IGSF21: variants seen among roughly 807,000 people sequenced by gnomAD.
IGSF21 encodes the protein immunoglobulin superfamily member 21.
IGSF21 carries 28 observed loss-of-function variants against 46.8 expected under a neutral mutation model. The ratio of observed to expected loss-of-function variants is 0.60; its 90% CI spans 0.44 to 0.82. The LOEUF is 0.82. IGSF21 is among the 40% of genes least tolerant of loss of function. The pLI, the probability that IGSF21 is intolerant of heterozygous loss-of-function variation, is 0.00. For missense variants in IGSF21, 624 were observed against 665.5 expected, an observed-to-expected ratio of 0.94 and a Z score of 0.69; for synonymous variants, 284 against 273.6, an observed-to-expected ratio of 1.04 and a Z score of -0.38.
At chr1:18,165,702 C>T (rs939544975) in intron 1 of IGSF21, among the ~76,000 whole-genome samples, 1 of 152,128 alleles carries the variant, frequency 6.6e-6, no homozygotes, top group African/African-American at 2.4e-5. Flanking sequence ...ATCTGCTAGC[C>T]GTAATAAAGA....
chr1:18,141,141 G>T (rs2086412264), intron 1 of IGSF21, among the ~76,000 whole-genome samples: 1 of 152,212 alleles, frequency 6.6e-6, no homozygotes, highest in Non-Finnish European at 1.5e-5. Flanking sequence ...GGAACTGAAG[G>T]CTGGGCATCC....
chr1:18,329,498 C>A (rs2085691656), intron 3 of IGSF21, among the ~76,000 whole-genome samples: 1 of 152,190 alleles, frequency 6.6e-6, no homozygotes, highest in Admixed American at 6.5e-5. Context: ...ACTCCTTGAG[C>A]ACCTACCAAG....
chr1:18,347,363 C>A (rs1004135431), intron 4 of IGSF21, among the ~76,000 whole-genome samples: 1 of 152,166 alleles, frequency 6.6e-6, no homozygotes, highest in East Asian at 1.9e-4. Flanking sequence ...CAGTGAGTGG[C>A]GCTGAGATTG....
At position 18,365,336 on chromosome 1, in the gene IGSF21, T is replaced by C; in HGVS notation, c.654T>C (p.Arg218=). ...DSRPFRSLLH[R]DLDDTKMQKS... ...GGCCCTTCCGCAGCCTTCTGCACCG[T>C]GACCTGGATGACACCAAGATGCAGA... The change falls in exon 6 of 10, where the codon CGT becomes CGC. Residue 218 remains arginine, a synonymous_variant. Coordinates refer to ENST00000251296, the MANE Select transcript of IGSF21 (RefSeq NM_032880.5). This position sits in a 1 kb window ranked among gnomAD's most constrained non-coding sequence, Gnocchi z 4.8. 6.2e-7 allele frequency: 1 copy of C among 1,614,008 alleles called. No homozygotes were observed. The highest frequency in any genetic ancestry group is 8.5e-7 in the Non-Finnish European group (1 of 1,179,994).
chr1:18,325,747 C>T lies in IGSF21; in HGVS notation c.306-9145C>T, dbSNP rs556085703. Reference sequence around the variant, plus strand: ...AAGGTCTAGGGAGGCCCTTTCCTGCCTGTCTCCATCTGTTTTCCCAGGTCT... The same window carrying T: ...AAGGTCTAGGGAGGCCCTTTCCTGCTTGTCTCCATCTGTTTTCCCAGGTCT... On this transcript the variant is annotated intron_variant, in intron 3 of 9. Transcript: ENST00000251296. Among the ~76,000 whole-genome samples the T allele has an allele frequency of 1.3e-4, 20 of 152,330 alleles. No homozygotes were observed. In the South Asian group the frequency reaches 3.9e-3, roughly 30 times the overall value.
At chr1:18,293,733 C>T (rs1350970570) in intron 3 of IGSF21, among the ~76,000 whole-genome samples, 7 of 152,210 alleles carry the variant, frequency 4.6e-5, no homozygotes, top group South Asian at 2.1e-4. Context: ...ATAATCTCCA[C>T]GACTCCCAGA....
At chr1:18,236,782 A>T (rs2084677154) in intron 2 of IGSF21, among the ~76,000 whole-genome samples, 1 of 152,212 alleles carries the variant, frequency 6.6e-6, no homozygotes. Context: ...GAAATAGTAG[A>T]GTCAGCTGTC....
At chr1:18,289,553 T>A (rs1385018857) in intron 2 of IGSF21, among the ~76,000 whole-genome samples, 1 of 152,202 alleles carries the variant, frequency 6.6e-6, no homozygotes, top group Non-Finnish European at 1.5e-5. Flanking sequence ...AACATTCTTG[T>A]CTATTCGGCT....
intron 2 of IGSF21, among the ~76,000 whole-genome samples, chr1:18,286,432 C>T (rs2085212523): frequency 6.6e-6 from 1 of 152,332 alleles, no homozygotes; most frequent in Admixed American, 6.5e-5. Context: ...CTGGGGGACA[C>T]TCAGCCTGTG....
At chr1:18,233,317 C>T (rs1267142507) in intron 2 of IGSF21, among the ~76,000 whole-genome samples, 2 of 152,120 alleles carry the variant, frequency 1.3e-5, no homozygotes, top group Non-Finnish European at 2.9e-5. Flanking sequence ...GATGCGACCT[C>T]GCCAGGTGAT....
intron 1 of IGSF21, among the ~76,000 whole-genome samples, chr1:18,195,214 A>G (rs539290579): frequency 6.6e-6 from 1 of 152,318 alleles, no homozygotes; most frequent in East Asian, 1.9e-4. Context: ...CAGAGCTAGA[A>G]AGTAGCAAAG....
At chr1:18,205,357 G>C (rs1028476983) in intron 1 of IGSF21, among the ~76,000 whole-genome samples, 15 of 152,078 alleles carry the variant, frequency 9.9e-5, no homozygotes, top group African/African-American at 3.4e-4. Context: ...ATATTGATAA[G>C]AGTGGGTCTG....
At position 18,335,042 on chromosome 1, in the gene IGSF21, C is replaced by T. The variant is rs1367131809; in HGVS notation, c.424+32C>T. 6.6e-7 allele frequency: 1 copy of T among 1,521,038 alleles called. No homozygotes were observed. The highest frequency in any genetic ancestry group is 1.4e-5 in the African/African-American group (1 of 73,008). 94.2% of individuals were successfully genotyped at this position (1,521,038 alleles called of 1,614,324 possible). On this transcript the variant is annotated intron_variant, in intron 4 of 9. Transcript: ENST00000251296. This position sits in a 1 kb window ranked among gnomAD's most constrained non-coding sequence, Gnocchi z 4.8. ...GCAGGGCCACTGGCCCCTGGTGTCTCAGTGAGGAGGACGAGTATGCTTGAG... is the reference window on the plus strand; with the variant it reads ...GCAGGGCCACTGGCCCCTGGTGTCTTAGTGAGGAGGACGAGTATGCTTGAG...
At chr1:18,142,711 G>A (rs2086427953) in intron 1 of IGSF21, among the ~76,000 whole-genome samples, 1 of 152,214 alleles carries the variant, frequency 6.6e-6, no homozygotes. Flanking sequence ...CCACAGTGGA[G>A]CCTTGTTTGC....
chr1:18,375,617 G>T (rs928262394), intron 6 of IGSF21, among the ~76,000 whole-genome samples: 2 of 152,190 alleles, frequency 1.3e-5, no homozygotes, highest in South Asian at 2.1e-4. Flanking sequence ...GCACAAGGAA[G>T]GAGGTGGTCT....
chr1:18,308,879 G>A (rs1367900831), intron 3 of IGSF21, among the ~76,000 whole-genome samples: 1 of 152,194 alleles, frequency 6.6e-6, no homozygotes, highest in Non-Finnish European at 1.5e-5. Flanking sequence ...GCGGGCATCA[G>A]GCTAGATCAG....
chr1:18,309,296 A>T (rs1047904681), intron 3 of IGSF21, among the ~76,000 whole-genome samples: 1 of 151,950 alleles, frequency 6.6e-6, no homozygotes, highest in Non-Finnish European at 1.5e-5. Flanking sequence ...AATAACACAC[A>T]CTCGGGTCTA....
At chr1:18,308,536 C>T (rs1017940387) in intron 3 of IGSF21, among the ~76,000 whole-genome samples, 33 of 152,214 alleles carry the variant, frequency 2.2e-4, no homozygotes, top group African/African-American at 7.5e-4. Flanking sequence ...CACAACACCC[C>T]TTGAGGCAGC....
intron 1 of IGSF21, among the ~76,000 whole-genome samples, chr1:18,122,921 C>G (rs777759586): frequency 6.6e-6 from 1 of 151,528 alleles, no homozygotes; most frequent in South Asian, 2.1e-4. Flanking sequence ...GCCACCGCAC[C>G]CAGCCAGATT....
Sources: gnomAD v4.1 joint callset for allele counts (sites outside exome capture counted in the v4.1 genomes callset) on GRCh38, gnomAD v4.1.1 for gene constraint, Gnocchi (gnomAD v3.1) non-coding constraint, MANE v1.5 for transcripts, NCBI Gene and HGNC (gene_info 2026-07-23, HGNC 2026-07-21) for gene names.